The following WASHC2A variants were observed in gnomAD, a reference collection of about 807,000 sequenced individuals.
WASHC2A encodes WASH complex subunit 2A, also known as WASH complex subunit FAM21A.
Under a neutral mutation model 140.3 loss-of-function variants are expected in WASHC2A, and 82 were observed. The ratio of observed to expected loss-of-function variants is 0.58; its 90% CI spans 0.49 to 0.70. The LOEUF is 0.70. Among genes scored for constraint, WASHC2A ranks in the 30% least tolerant of loss-of-function variants. WASHC2A has a pLI of 0.00. For synonymous variants in WASHC2A, 340 were observed against 560.8 expected (o/e 0.61, Z 5.56); for missense variants, 985 against 1,521.8 (o/e 0.65, Z 5.87).
chr10:50,106,139 A>G (rs1310880354), intron 18 of WASHC2A, among the ~76,000 whole-genome samples, 195 bp from the exon 19 acceptor site: 3 of 148,066 alleles, frequency 2.0e-5, no homozygotes, highest in Admixed American at 6.8e-5. Flanking sequence ...TTCTATGGTA[A>G]TCTCTTTCCC....
chr10:50,091,432 A>G lies in WASHC2A; in HGVS notation c.845A>G (p.Lys282Arg). 2 of 1,549,692 alleles carry G rather than the reference A, an allele frequency of 1.3e-6. No individual in the cohort carries two copies. The highest frequency in any genetic ancestry group is 2.0e-5 in the Admixed American group (1 of 50,982). Residue 282 changes from lysine (K) to arginine (R), a missense_variant and splice_region_variant, in exon 10 of 31, where the codon AAA becomes AGA. Lys to Arg is a conservative substitution (Grantham distance 26). Transcript: ENST00000282633. ...TTCTTTTGATTTCTCCTGCTGTAGA[A>G]AAGAAGCAGACCTACATCGTTTGCA... is the stretch of plus-strand genomic sequence containing the variant. ...IEDIEENTRPKRSRPTSFADE... is the reference protein window; with the variant it reads ...IEDIEENTRPRRSRPTSFADE...
chr10:50,090,515 A>AAATATATATATATATATATATATAT (rs1214596899), intron 8 of WASHC2A, among the ~76,000 whole-genome samples: 2 of 108,766 alleles, frequency 1.8e-5, no homozygotes, highest in African/African-American at 6.5e-5. Context: ...AAAAAAAAAA[A>AAATATATATATATATATATATATAT]ATATATATAT....
intron 8 of WASHC2A, among the ~76,000 whole-genome samples, chr10:50,090,530 ATT>A (rs1839828380): frequency 1.5e-5 from 2 of 136,304 alleles, no homozygotes; most frequent in East Asian, 2.0e-4. Context: ...ATATATATAT[ATT>A]TATATTTATA....
chr10:50,093,928 G>C lies in WASHC2A; in HGVS notation c.1180+11G>C, dbSNP rs1319946957. 2 of 1,574,436 alleles carry C rather than the reference G, an allele frequency of 1.3e-6. No homozygotes were observed. The highest frequency in any genetic ancestry group is 2.7e-5 in the African/African-American group (2 of 74,376). On this transcript the variant is annotated intron_variant, in intron 13 of 30. Coordinates refer to ENST00000282633, the MANE Select transcript of WASHC2A (RefSeq NM_001005751.3). Reference sequence around the variant, plus strand: ...CCTCTGTTAAGGAGGGTAAGCTGGGGCTGGGCAGCTGCGTCTCCGTGTGCA... The same window carrying C: ...CCTCTGTTAAGGAGGGTAAGCTGGGCCTGGGCAGCTGCGTCTCCGTGTGCA...
intron 18 of WASHC2A, among the ~76,000 whole-genome samples, chr10:50,105,170 G>T (rs1408479240): frequency 6.6e-6 from 1 of 151,944 alleles, no homozygotes; most frequent in Admixed American, 6.6e-5. Context: ...AAAGGAGAAG[G>T]CAGCCATGTC....
At chr10:50,104,273 A>G in intron 18 of WASHC2A, 130 bp downstream of exon 18, 1 of 652,658 alleles carries the variant, frequency 1.5e-6, no homozygotes, top group Non-Finnish European at 2.7e-6. Flanking sequence ...TGAAGTTTAT[A>G]TAACAAAAAT....
chr10:50,105,915 C>G (rs1194083590), intron 18 of WASHC2A, among the ~76,000 whole-genome samples: 2,400 of 149,090 alleles, frequency 0.016, 45 homozygotes, highest in African/African-American at 0.049. Context: ...TCTCTCCTTT[C>G]AGCCATTGTT....
intron 2 of WASHC2A, among the ~76,000 whole-genome samples, chr10:50,068,954 G>A (rs1436845945): frequency 2.8e-5 from 4 of 144,380 alleles, no homozygotes; most frequent in African/African-American, 1.0e-4. Flanking sequence ...CTGGACTCTA[G>A]CGATAACCCT....
In WASHC2A at chr10:50,106,385, G is replaced by A; in HGVS notation, c.1789G>A (p.Ala597Thr). 4 of 1,611,980 alleles carry A rather than the reference G, an allele frequency of 2.5e-6. No individual in the cohort carries two copies. The highest frequency in any genetic ancestry group is 2.2e-5 in the East Asian group (1 of 44,878). ...TAAGAAGCAGACATTGTGTCTACAA[G>A]CTCAGAGAGAAGAGAAAGCAAAAGC... ...AAKKQTLCLQ[A>T]QREEKAKASE... Residue 597 changes from alanine (A) to threonine (T), a missense_variant, in exon 19 of 31, where the codon GCT becomes ACT. Transcript: ENST00000282633.
In WASHC2A at chr10:50,110,255, C is replaced by G; in HGVS notation, c.2024C>G (p.Ala675Gly). 6.2e-7 allele frequency: 1 copy of G among 1,611,744 alleles called. No individual in the cohort carries two copies. Among genetic ancestry groups the G allele is most frequent in the Non-Finnish European group, 8.5e-7 (1 of 1,179,794 alleles). Reference protein sequence around the residue: ...FEEDEEDDLFAIAKDSQKKTQ... With the variant: ...FEEDEEDDLFGIAKDSQKKTQ... ...GAAGACGAAGAAGATGATCTTTTTGCCATTGCCAAGGACAGGTGAGATAGT... is the reference window on the plus strand; with the variant it reads ...GAAGACGAAGAAGATGATCTTTTTGGCATTGCCAAGGACAGGTGAGATAGT... Residue 675 changes from alanine to glycine, a missense_variant, in exon 20 of 31, where the codon GCC becomes GGC. Physicochemically the swap from Ala to Gly is moderately conservative, Grantham distance 60. Transcript: ENST00000282633.
rs1394410209 is a variant in WASHC2A, at chr10:50,132,975, C to T, written c.*30C>T. The T allele has an allele frequency of 1.9e-6, 3 of 1,611,810 alleles. No individual in the cohort carries two copies. The highest frequency in any genetic ancestry group is 2.5e-6 in the Non-Finnish European group (3 of 1,179,706). Reference sequence around the variant, plus strand: ...CACAGGGTATCCACATGTTACCCTGCAGCTACATTGTTGAGTTAGTGATGA... The same window carrying T: ...CACAGGGTATCCACATGTTACCCTGTAGCTACATTGTTGAGTTAGTGATGA... On this transcript the variant is annotated 3_prime_UTR_variant, in exon 31 of 31. Transcript: ENST00000282633.
rs1186869873 is a variant in WASHC2A, at chr10:50,095,077, A to G, written c.1181-71A>G. Reference sequence around the variant, plus strand: ...ACTAGCTGTGTTTTACATCGCACGTATTTCAGGAAGAAAATAGCAAGGAAA... The same window carrying G: ...ACTAGCTGTGTTTTACATCGCACGTGTTTCAGGAAGAAAATAGCAAGGAAA... On this transcript the variant is annotated intron_variant, in intron 13 of 30. Transcript: ENST00000282633. The G allele has an allele frequency of 5.0e-6, 8 of 1,599,906 alleles. No individual in the cohort carries two copies. The African/African-American group carries it at 5.3e-5, about 11-fold the overall frequency.
chr10:50,095,174 A>C lies in WASHC2A; in HGVS notation c.1207A>C (p.Lys403Gln), dbSNP rs1554884290. The C allele has an allele frequency of 2.5e-6, 4 of 1,593,532 alleles. No homozygotes were observed. In the East Asian group the frequency reaches 8.9e-5, roughly 36 times the overall value. ...GTCTTCATCATCCAAACCTGGAAAG[A>C]AAATCCCAGCAGGAGCTGTTTCTGT... The part of the protein sequence containing the change: ...EESSSSKPGK[K>Q]IPAGAVSVFL... The change falls in exon 14 of 31, where the codon AAA (lysine) becomes CAA (glutamine). Residue 403 changes from lysine to glutamine, a missense_variant. Transcript: ENST00000282633.
Position 50,132,560 on chromosome 10 carries a change from A to T in WASHC2A, c.3887-246A>T, listed in dbSNP as rs535460263. ...TACGCTTCCCTTTTTTCTGTCCTAC[A>T]CACGCACATACATACACTTTTGTAG... On this transcript the variant is annotated intron_variant, in intron 30 of 30. Coordinates refer to ENST00000282633, the MANE Select transcript of WASHC2A (RefSeq NM_001005751.3). Among the ~76,000 whole-genome samples, 8 of 152,350 alleles carry T rather than the reference A, an allele frequency of 5.3e-5. No individual in the cohort carries two copies. The South Asian group carries it at 1.7e-3, about 32-fold the overall frequency.
intron 23 of WASHC2A, among the ~76,000 whole-genome samples, chr10:50,120,578 C>T (rs568375620): frequency 8.8e-6 from 1 of 113,654 alleles, no homozygotes; most frequent in Admixed American, 8.8e-5. Flanking sequence ...CGAGATCGCA[C>T]CACTGCACTC....
chr10:50,092,717 G>A (rs1554883307), intron 11 of WASHC2A, among the ~76,000 whole-genome samples: 1 of 151,312 alleles, frequency 6.6e-6, no homozygotes, highest in African/African-American at 2.4e-5. Flanking sequence ...TGTGGGTGTG[G>A]AGTAAAAATT....
Position 50,095,115 on chromosome 10 carries a change from G to A in WASHC2A, c.1181-33G>A, listed in dbSNP as rs1840345152. 30 of 1,557,774 alleles carry A rather than the reference G, an allele frequency of 1.9e-5. 1 individual carries two copies. In the South Asian group the frequency reaches 3.5e-4, roughly 18 times the overall value. ...AATAGCAAGGAAAGTTATTTCCCTTGTAAAATGGTTACCCCTTGCTTTCTC... is the reference window on the plus strand; with the variant it reads ...AATAGCAAGGAAAGTTATTTCCCTTATAAAATGGTTACCCCTTGCTTTCTC... On this transcript the variant is annotated intron_variant, in intron 13 of 30. Transcript: ENST00000282633.
intron 23 of WASHC2A, among the ~76,000 whole-genome samples, chr10:50,120,355 C>G (rs1296060961): frequency 6.9e-6 from 1 of 144,924 alleles, no homozygotes; most frequent in Non-Finnish European, 1.5e-5. Context: ...GGCATGGTGG[C>G]TCACACCTGT....
chr10:50,076,992 C>T (rs1838400215), intron 3 of WASHC2A, among the ~76,000 whole-genome samples: 1 of 151,794 alleles, frequency 6.6e-6, no homozygotes, highest in African/African-American at 2.4e-5. Flanking sequence ...TGGCAGGCAC[C>T]TGTAGTCCCA....
Sources: allele counts gnomAD v4.1 joint callset (sites outside exome capture counted in the v4.1 genomes callset), GRCh38; gene constraint gnomAD v4.1.1; transcripts MANE v1.5; gene names NCBI Gene and HGNC (gene_info 2026-07-23, HGNC 2026-07-21).